Variants in LRBA observed in about 807,000 individuals in gnomAD.
LRBA encodes the protein lipopolysaccharide-responsive and beige-like anchor protein.
Under a neutral mutation model 330.0 loss-of-function variants are expected in LRBA, and 176 were observed. The observed-to-expected ratio is 0.53, with a 90% CI of 0.47 to 0.60. The LOEUF is 0.60. LRBA is among the 20% of genes least tolerant of loss of function. The pLI is 0.00. For missense variants in LRBA, 3,259 were observed against 3,444.8 expected, an observed-to-expected ratio of 0.95 and a Z score of 1.35; for synonymous variants, 1,230 against 1,193.0, an observed-to-expected ratio of 1.03 and a Z score of -0.64.
At chr4:150,576,382 T>C (rs987598866) in intron 40 of LRBA, among the ~76,000 whole-genome samples, 1 of 151,916 alleles carries the variant, frequency 6.6e-6, no homozygotes, top group African/African-American at 2.4e-5. Context: ...CCAATATAAG[T>C]GTGAATATAG....
rs1561387981 is a variant in LRBA, at chr4:150,583,969, C to T, written c.6330+4079G>A. On this transcript the variant is annotated intron_variant, in intron 40 of 56. Coordinates refer to ENST00000651943, the MANE Select transcript of LRBA (RefSeq NM_001364905.1). The surrounding 1 kb of genome is among the most constrained non-coding windows in gnomAD (Gnocchi z 9.8). Reference sequence around the variant, plus strand: ...GCAGCTCATCTCCTGCCTGCAGTGCCGCCGCTGCCCTCACTACTTTCTGCC... The same window carrying T: ...GCAGCTCATCTCCTGCCTGCAGTGCTGCCGCTGCCCTCACTACTTTCTGCC... 1 of 1,614,074 alleles carries T rather than the reference C, an allele frequency of 6.2e-7. No homozygotes were observed. Among genetic ancestry groups the T allele is most frequent in the Non-Finnish European group, 8.5e-7 (1 of 1,179,996 alleles).
chr4:150,441,715 T>G (rs1751864140), intron 44 of LRBA, among the ~76,000 whole-genome samples: 1 of 152,058 alleles, frequency 6.6e-6, no homozygotes, highest in African/African-American at 2.4e-5. Context: ...GTAACCTAGC[T>G]CGAAATCAAC....
intron 2 of LRBA, among the ~76,000 whole-genome samples, chr4:150,964,542 G>A (rs1738664600): frequency 6.6e-6 from 1 of 150,994 alleles, no homozygotes; most frequent in South Asian, 2.1e-4. Flanking sequence ...CGTGCTCTCT[G>A]AAACATGTGC....
intron 53 of LRBA, among the ~76,000 whole-genome samples, chr4:150,298,434 T>A (rs541044520): frequency 2.6e-5 from 4 of 152,038 alleles, no homozygotes; most frequent in Non-Finnish European, 5.9e-5. Context: ...GAATGTCTCA[T>A]TAGGGTGATA....
chr4:150,951,593 A>G (rs1736841517), intron 2 of LRBA, among the ~76,000 whole-genome samples: 1 of 152,214 alleles, frequency 6.6e-6, no homozygotes, highest in South Asian at 2.1e-4. Flanking sequence ...ACAATAGATA[A>G]TAAGACCTAC....
chr4:150,436,716 G>A lies in LRBA; in HGVS notation c.6921+8C>T, dbSNP rs773190414. 1 of 1,607,328 alleles carries A rather than the reference G, an allele frequency of 6.2e-7. No individual in the cohort carries two copies. The highest frequency in any genetic ancestry group is 8.5e-7 in the Non-Finnish European group (1 of 1,175,450). ...TTAGCCATGGTGTATTATTCAAATT[G>A]AACTTACTATTCTTAGCAGCCATGC... On this transcript the variant is annotated splice_region_variant and intron_variant, in intron 45 of 56. Transcript: ENST00000651943.
At chr4:150,272,488 G>A (rs1320696901) in intron 56 of LRBA, among the ~76,000 whole-genome samples, 1 of 151,868 alleles carries the variant, frequency 6.6e-6, no homozygotes, top group Non-Finnish European at 1.5e-5. Flanking sequence ...ACAGAAGTAG[G>A]CTTCAGAAGG....
chr4:150,957,257 C>A (rs1737636257), intron 2 of LRBA, among the ~76,000 whole-genome samples: 1 of 148,472 alleles, frequency 6.7e-6, no homozygotes, highest in South Asian at 2.1e-4. Context: ...CAGTTCCACT[C>A]CCCAGTGGAA....
intron 28 of LRBA, among the ~76,000 whole-genome samples, chr4:150,834,689 T>C (rs1314975103): frequency 6.6e-6 from 1 of 152,206 alleles, no homozygotes; most frequent in Admixed American, 6.5e-5. Flanking sequence ...TAATTGTGCA[T>C]TGGCTTTAAC....
chr4:150,708,916 C>CAG (rs1313646580), intron 36 of LRBA, among the ~76,000 whole-genome samples: 1 of 151,782 alleles, frequency 6.6e-6, no homozygotes, highest in Non-Finnish European at 1.5e-5. Context: ...CCCTTTCAGT[C>CAG]ATAATCCCTT....
intron 36 of LRBA, among the ~76,000 whole-genome samples, chr4:150,685,304 C>A (rs898805042): frequency 7.5e-6 from 1 of 133,482 alleles, no homozygotes; most frequent in South Asian, 2.5e-4. Context: ...GTAAAAACAT[C>A]CAAAAAAATT....
At chr4:150,452,678 G>C (rs942942000) in intron 44 of LRBA, among the ~76,000 whole-genome samples, 2 of 150,848 alleles carry the variant, frequency 1.3e-5, no homozygotes, top group African/African-American at 4.9e-5. Flanking sequence ...CTACAGAAAA[G>C]CCTATAGCTA....
intron 37 of LRBA, among the ~76,000 whole-genome samples, chr4:150,658,343 A>G (rs981724749): frequency 4.0e-5 from 6 of 149,194 alleles, no homozygotes; most frequent in Admixed American, 1.3e-4. Context: ...TCCTATTAAA[A>G]TAACAGTCTG....
chr4:150,519,834 G>C (rs1762736774), intron 40 of LRBA, among the ~76,000 whole-genome samples: 1 of 152,128 alleles, frequency 6.6e-6, no homozygotes, highest in South Asian at 2.1e-4. Context: ...AGGAGTTCCA[G>C]TTCCTACACA....
At chr4:150,603,445 A>C (rs1774317287) in intron 37 of LRBA, among the ~76,000 whole-genome samples, 1 of 152,168 alleles carries the variant, frequency 6.6e-6, no homozygotes, top group Admixed American at 6.5e-5. Flanking sequence ...ACATCACTAT[A>C]ATCTACATAA....
chr4:150,871,359 T>C lies in LRBA; in HGVS notation c.2353A>G (p.Asn785Asp). Residue 785 changes from asparagine to aspartate, a missense_variant, in exon 19 of 57, where the codon AAT becomes GAT. Transcript: ENST00000651943. ...QTNLITMTTY[N>D]VLFEILIEQI... ...TACATTCCTACCTCAAACAGCACAT[T>C]ATATGTGGTCATTGTGATTAAATTT... 1 of 1,603,026 alleles carries C rather than the reference T, an allele frequency of 6.2e-7. No homozygotes were observed. The highest frequency in any genetic ancestry group is 1.1e-5 in the South Asian group (1 of 90,468).
At chr4:150,314,516 T>C (rs1490287374) in intron 51 of LRBA, among the ~76,000 whole-genome samples, 1 of 152,162 alleles carries the variant, frequency 6.6e-6, no homozygotes. Context: ...ACAAAAATGG[T>C]AACTATATAA....
intron 47 of LRBA, among the ~76,000 whole-genome samples, chr4:150,374,789 A>C (rs111686275): frequency 0.013 from 1,923 of 152,312 alleles, 39 homozygotes; most frequent in African/African-American, 0.044. Flanking sequence ...CAACTGGTAC[A>C]TATAACATAT....
intron 47 of LRBA, among the ~76,000 whole-genome samples, chr4:150,366,909 T>C (rs1739541114): frequency 6.6e-6 from 1 of 152,196 alleles, no homozygotes; most frequent in African/African-American, 2.4e-5. Flanking sequence ...GTAGCACTAA[T>C]GAAAAGCAGC....
Sources: gnomAD v4.1 joint callset for allele counts (sites outside exome capture counted in the v4.1 genomes callset) on GRCh38, gnomAD v4.1.1 for gene constraint, Gnocchi (gnomAD v3.1) non-coding constraint, MANE v1.5 for transcripts, NCBI Gene and HGNC (gene_info 2026-07-23, HGNC 2026-07-21) for gene names.